Variants in C9orf72 observed in about 807,000 individuals in gnomAD.
C9orf72 encodes C9orf72-SMCR8 complex subunit.
Under a neutral mutation model 51.6 loss-of-function variants are expected in C9orf72, and 44 were observed. The observed-to-expected ratio is 0.85, with a 90% CI of 0.67 to 1.10. The LOEUF (loss-of-function observed/expected upper bound fraction) is 1.10, where lower values mean the gene tolerates loss of function less well. Among genes scored for constraint, C9orf72 ranks in the 50% least tolerant of loss-of-function variants. The pLI is 0.00. For missense variants in C9orf72, 607 were observed against 570.6 expected (o/e 1.06, Z -0.65); for synonymous variants, 213 against 194.2 (o/e 1.10, Z -0.81).
chr9:27,564,990 C>T (rs1285493868), intron 3 of C9orf72, among the ~76,000 whole-genome samples: 1 of 152,148 alleles, frequency 6.6e-6, no homozygotes, highest in Non-Finnish European at 1.5e-5. Flanking sequence ...AAGGGATAAA[C>T]ATGGCACATT....
At chr9:27,559,470 G>T (rs1002799831) in intron 6 of C9orf72, 17 of 151,816 alleles carry the variant, frequency 1.1e-4, no homozygotes, top group African/African-American at 4.1e-4. Context: ...GGTTATATGA[G>T]AAATATAAAT....
intron 9 of C9orf72, among the ~76,000 whole-genome samples, chr9:27,549,660 T>G (rs1205881124): frequency 6.6e-6 from 1 of 152,080 alleles, no homozygotes; most frequent in Non-Finnish European, 1.5e-5. Flanking sequence ...TTCAACTGTG[T>G]AATTAAGTAG....
intron 8 of C9orf72, 48 bp from the exon 9 acceptor site, chr9:27,550,755 A>T: frequency 9.0e-7 from 1 of 1,116,222 alleles, no homozygotes. Context: ...CAAATGTTGA[A>T]ATGGCCATAT....
At chr9:27,553,299 C>T (rs114414302) in intron 8 of C9orf72, among the ~76,000 whole-genome samples, 102 of 152,292 alleles carry the variant, frequency 6.7e-4, no homozygotes, top group African/African-American at 2.3e-3. Context: ...GGAGGCATCA[C>T]ATTAGCCGAT....
At chr9:27,568,927 T>C (rs1234592506) in intron 1 of C9orf72, among the ~76,000 whole-genome samples, 1 of 152,054 alleles carries the variant, frequency 6.6e-6, no homozygotes, top group Non-Finnish European at 1.5e-5. Flanking sequence ...AGGTGACAGC[T>C]ACATGTGTGT....
chr9:27,560,528 T>C, intron 5 of C9orf72: 1 of 653,218 alleles, frequency 1.5e-6, no homozygotes. Flanking sequence ...TTAGTCAGTA[T>C]AATATCATTT....
intron 8 of C9orf72, 126 bp from the exon 9 acceptor site, chr9:27,550,833 A>G (rs1026259323): frequency 1.0e-4 from 51 of 506,386 alleles, no homozygotes; most frequent in African/African-American, 9.3e-4. Context: ...TATTACATAT[A>G]AACACATTTG....
At chr9:27,573,725 T>A (rs903989939), upstream of C9orf72, 1 of 152,294 alleles carries the variant, frequency 6.6e-6, no homozygotes, top group African/African-American at 2.4e-5. Flanking sequence ...AACCCACACC[T>A]GCTCTTGCTA....
At chr9:27,549,434 C>T (rs1563898352) in intron 9 of C9orf72, among the ~76,000 whole-genome samples, 1 of 152,064 alleles carries the variant, frequency 6.6e-6, no homozygotes, top group African/African-American at 2.4e-5. Context: ...TTTATGTCAG[C>T]TTGAGAAGCA....
At chr9:27,552,402 C>T (rs531100173) in intron 8 of C9orf72, among the ~76,000 whole-genome samples, 146 of 152,040 alleles carry the variant, frequency 9.6e-4, no homozygotes, top group African/African-American at 2.8e-3. Flanking sequence ...GGCTGGAGTG[C>T]GGTGGCATGA....
At chr9:27,572,581 A>C (rs985680965) in intron 1 of C9orf72, among the ~76,000 whole-genome samples, 11 of 152,202 alleles carry the variant, frequency 7.2e-5, no homozygotes, top group Admixed American at 5.9e-4. Context: ...AACTGCCACA[A>C]CCAGGCAACT....
chr9:27,548,482 T>C (rs931060537), intron 10 of C9orf72, 60 bp from the exon 11 acceptor site: 25 of 991,576 alleles, frequency 2.5e-5, no homozygotes, highest in African/African-American at 6.4e-5. Flanking sequence ...AATTATGATA[T>C]AGAAAATGTA....
rs886501069 is a variant in C9orf72 at position 27,546,548 on chromosome 9, A to G, written c.*1688T>C. ...CTGAATGAACAACTGAAAGAGGCAA[A>G]ATTTCAAATATATTTTATTCAAAAT... On this transcript the variant is annotated 3_prime_UTR_variant, in exon 11 of 11. Coordinates refer to ENST00000380003, the MANE Select transcript of C9orf72 (RefSeq NM_018325.5). 2 of 152,154 alleles carry G rather than the reference A, an allele frequency of 1.3e-5. No individual in the cohort carries two copies. The highest frequency in any genetic ancestry group is 2.9e-5 in the Non-Finnish European group (2 of 68,010). 9.4% of individuals were successfully genotyped at this position (152,154 alleles called of 1,614,324 possible).
intron 1 of C9orf72, among the ~76,000 whole-genome samples, 157 bp from the exon 2 acceptor site, chr9:27,567,321 T>C (rs779063489): frequency 3.3e-5 from 5 of 152,172 alleles, no homozygotes; most frequent in Non-Finnish European, 5.9e-5. Flanking sequence ...ACTAGCACAG[T>C]AGGTGCACAT....
At position 27,548,435 on chromosome 9, in the gene C9orf72, G is replaced by GAAAAAAAAA. The variant is rs11292923; in HGVS notation, c.1260-22_1260-14dup. ...TTTTCCCTTCTGCCTAAAAATAATG[G>GAAAAAAAAA]AAAAAAAAAAAAAAAAAAAAAAAAA... is the stretch of plus-strand genomic sequence containing the variant. On this transcript the variant is annotated splice_polypyrimidine_tract_variant and intron_variant, in intron 10 of 10. Coordinates refer to ENST00000380003, the MANE Select transcript of C9orf72 (RefSeq NM_018325.5). 738 of 174,872 alleles carry GAAAAAAAAA rather than the reference G, an allele frequency of 4.2e-3. 14 individuals carry two copies. The highest frequency in any genetic ancestry group is 0.011 in the South Asian group (95 of 8,654). 10.8% of individuals were successfully genotyped at this position (174,872 alleles called of 1,614,324 possible).
intron 8 of C9orf72, chr9:27,554,729 T>C (rs1291212130): frequency 2.5e-6 from 1 of 396,620 alleles, no homozygotes; most frequent in Non-Finnish European, 4.4e-6. Flanking sequence ...CAAACATAAT[T>C]AACATGTAAA....
chr9:27,556,645 A>G lies in C9orf72; in HGVS notation c.1007T>C (p.Leu336Pro), dbSNP rs1221860744. 2 of 1,614,042 alleles carry G rather than the reference A, an allele frequency of 1.2e-6. No homozygotes were observed. Among genetic ancestry groups the G allele is most frequent in the South Asian group, 1.1e-5 (1 of 91,082 alleles). The stretch of plus-strand genomic sequence containing the variant: ...TGAAGTGGCTCTCCAGAAGGCTGTC[A>G]GCTCGGATCTCATGTATCTACGCTG... ...YNQRRYMRSE[L>P]TAFWRATSEE... The change falls in exon 8 of 11, where the codon CTG becomes CCG. Residue 336 changes from leucine (L) to proline (P), a missense_variant. Physicochemically the swap from Leu to Pro is moderately conservative, Grantham distance 98. Coordinates refer to ENST00000380003, the MANE Select transcript of C9orf72 (RefSeq NM_018325.5).
chr9:27,567,204 A>AT, intron 1 of C9orf72, 40 bp from the exon 2 acceptor site: 1 of 1,185,762 alleles, frequency 8.4e-7, no homozygotes, highest in Non-Finnish European at 1.2e-6. Context: ...AGGTTCAGCA[A>AT]TTTAAAGATA....
At chr9:27,564,702 T>C (rs1168299516) in intron 3 of C9orf72, among the ~76,000 whole-genome samples, 1 of 152,156 alleles carries the variant, frequency 6.6e-6, no homozygotes, top group East Asian at 1.9e-4. Context: ...ATTACTTTTT[T>C]AAAGTATCAT....
Sources: allele counts gnomAD v4.1 joint callset (sites outside exome capture counted in the v4.1 genomes callset), GRCh38; gene constraint gnomAD v4.1.1; transcripts MANE v1.5; gene names NCBI Gene and HGNC (gene_info 2026-07-23, HGNC 2026-07-21).